The following FOLH1 variants were observed in gnomAD, a reference collection of about 807,000 sequenced individuals.
FOLH1 encodes the protein folate hydrolase 1, also known as glutamate carboxypeptidase 2.
In FOLH1, 54 loss-of-function variants were observed where a neutral mutation model predicts 93.9. The ratio of observed to expected loss-of-function variants is 0.57; its 90% CI spans 0.46 to 0.72. FOLH1 has a LOEUF of 0.72. Among genes scored for constraint, FOLH1 ranks in the 30% least tolerant of loss-of-function variants. FOLH1 has a pLI of 0.00. For missense variants in FOLH1, 571 were observed against 892.5 expected, an observed-to-expected ratio of 0.64 and a Z score of 4.59; for synonymous variants, 249 against 303.6, an observed-to-expected ratio of 0.82 and a Z score of 1.87.
In FOLH1 at chr11:49,145,305, C is replaced by A. The variant is rs1217742659; in HGVS notation, c.*1451G>T. 6.6e-6 allele frequency among the ~76,000 whole-genome samples: 1 copy of A among 152,066 alleles called. No homozygotes were observed. Among genetic ancestry groups the A allele is most frequent in the East Asian group, 1.9e-4 (1 of 5,172 alleles). On this transcript the variant is annotated 3_prime_UTR_variant, in exon 19 of 19. Coordinates refer to ENST00000256999, the MANE Select transcript of FOLH1 (RefSeq NM_004476.3). ...TTTCAATCTGCTTTCTGTGTGCACC[C>A]TTGGCAAACTCTGGCAATGCAAATG...
intron 4 of FOLH1, among the ~76,000 whole-genome samples, chr11:49,191,956 C>T (rs1644653037): frequency 6.6e-6 from 1 of 152,222 alleles, no homozygotes; most frequent in African/African-American, 2.4e-5. Context: ...TGCCTCCGCA[C>T]CCGGCCAACC....
At chr11:49,203,755 C>A (rs962622399) in intron 2 of FOLH1, among the ~76,000 whole-genome samples, 1 of 152,156 alleles carries the variant, frequency 6.6e-6, no homozygotes, top group Non-Finnish European at 1.5e-5. Flanking sequence ...TATTTTTCTT[C>A]TTTGTTGGTC....
At chr11:49,177,646 A>G (rs1289825313) in intron 7 of FOLH1, among the ~76,000 whole-genome samples, 4 of 152,078 alleles carry the variant, frequency 2.6e-5, no homozygotes, top group Non-Finnish European at 5.9e-5. Flanking sequence ...CAGCTGTGCC[A>G]ATAGTAAAGG....
intron 3 of FOLH1, among the ~76,000 whole-genome samples, chr11:49,198,852 A>G (rs1284745005): frequency 6.6e-6 from 1 of 151,294 alleles, no homozygotes; most frequent in Non-Finnish European, 1.5e-5. Flanking sequence ...GGCTCCAGCA[A>G]TCATCCTATC....
At position 49,169,177 on chromosome 11, in the gene FOLH1, G is replaced by A. The variant is rs778138281; in HGVS notation, c.1372+18C>T. 17 of 1,611,126 alleles carry A rather than the reference G, an allele frequency of 1.1e-5. No individual in the cohort carries two copies. Among genetic ancestry groups the A allele is most frequent in the Non-Finnish European group, 1.0e-5 (12 of 1,177,870 alleles). ...CTAGTTTAATCACATCTTTTCTTAT[G>A]AGACCAACGATATTCACCTTCTATA... On this transcript the variant is annotated intron_variant, in intron 12 of 18. Transcript: ENST00000256999.
At chr11:49,167,402 A>G (rs1858538141) in intron 12 of FOLH1, among the ~76,000 whole-genome samples, 1 of 152,194 alleles carries the variant, frequency 6.6e-6, no homozygotes, top group Admixed American at 6.5e-5. Flanking sequence ...GAATGAATCC[A>G]GGCATCTGAC....
intron 7 of FOLH1, among the ~76,000 whole-genome samples, chr11:49,177,536 A>C (rs2135127444): frequency 6.6e-6 from 1 of 152,232 alleles, no homozygotes; most frequent in East Asian, 1.9e-4. Flanking sequence ...TTCTAACAAA[A>C]AGCAGCCCAA....
Position 49,169,206 on chromosome 11 carries a change from G to T in FOLH1, c.1361C>A (p.Ser454Ter). The stretch of plus-strand genomic sequence containing the variant: ...CCAACGATATTCACCTTCTATAGAT[G>T]AGTCAGCATTAATATAAGCCACGCC... ...ERGVAYINAD[S>*]SIEGNYTLRV... Residue 454 changes from serine (S) to a stop codon, truncating the protein, a stop_gained, in exon 12 of 19, where the codon TCA (serine) becomes TAA (stop). Coordinates refer to ENST00000256999, the MANE Select transcript of FOLH1 (RefSeq NM_004476.3). LOFTEE classifies it high-confidence loss of function. 6 of 1,613,054 alleles carry T rather than the reference G, an allele frequency of 3.7e-6. No homozygotes were observed. Among genetic ancestry groups the T allele is most frequent in the Non-Finnish European group, 5.1e-6 (6 of 1,179,264 alleles).
intron 4 of FOLH1, among the ~76,000 whole-genome samples, chr11:49,190,749 A>G (rs1321945507): frequency 6.6e-6 from 1 of 152,218 alleles, no homozygotes; most frequent in African/African-American, 2.4e-5. Context: ...TTTAAATAGC[A>G]TAAAGCAGAG....
chr11:49,165,395 T>C (rs1858264845), intron 12 of FOLH1, among the ~76,000 whole-genome samples: 1 of 152,212 alleles, frequency 6.6e-6, no homozygotes, highest in Non-Finnish European at 1.5e-5. Flanking sequence ...ACAATGAATT[T>C]GTGAACCAGG....
At chr11:49,193,696 C>T (rs565973038) in intron 3 of FOLH1, among the ~76,000 whole-genome samples, 7 of 151,498 alleles carry the variant, frequency 4.6e-5, no homozygotes, top group Non-Finnish European at 1.0e-4. Context: ...TATTCAGAAG[C>T]AAAAAAATAA....
chr11:49,178,704 A>G (rs1860384333), intron 7 of FOLH1, among the ~76,000 whole-genome samples: 1 of 152,218 alleles, frequency 6.6e-6, no homozygotes, highest in South Asian at 2.1e-4. Context: ...ACAAATATTT[A>G]ATAGTTGAAT....
chr11:49,194,132 C>CAAAAAAAAAAA (rs55656827), intron 3 of FOLH1, among the ~76,000 whole-genome samples: 2 of 71,560 alleles, frequency 2.8e-5, no homozygotes, highest in African/African-American at 1.1e-4. Context: ...GCCTGGGTGA[C>CAAAAAAAAAAA]AAAAAAAAAA....
At chr11:49,154,619 A>G (rs1452867972) in intron 15 of FOLH1, 127 bp from the exon 16 acceptor site, 13 of 1,467,768 alleles carry the variant, frequency 8.9e-6, no homozygotes, top group Non-Finnish European at 1.2e-5. Flanking sequence ...AAGCATCTCA[A>G]TAAGCTACAT....
At chr11:49,169,063 C>T (rs931942667) in intron 12 of FOLH1, 132 bp downstream of exon 12, 20 of 948,112 alleles carry the variant, frequency 2.1e-5, no homozygotes, top group Non-Finnish European at 3.1e-5. Context: ...TACACTGCTT[C>T]CTGTCAGAGG....
chr11:49,169,586 A>G (rs1055887648), intron 11 of FOLH1, among the ~76,000 whole-genome samples: 1 of 152,238 alleles, frequency 6.6e-6, no homozygotes, highest in African/African-American at 2.4e-5. Flanking sequence ...TGAATGACCT[A>G]AGAGACTTTT....
intron 3 of FOLH1, among the ~76,000 whole-genome samples, chr11:49,199,465 C>T (rs1344024035): frequency 6.6e-6 from 1 of 152,194 alleles, no homozygotes; most frequent in Non-Finnish European, 1.5e-5. Flanking sequence ...AATGTCCACA[C>T]ACAAATTCTT....
intron 4 of FOLH1, 78 bp downstream of exon 4, chr11:49,192,715 C>T (rs1200325852): frequency 5.6e-6 from 7 of 1,258,832 alleles, no homozygotes; most frequent in Non-Finnish European, 7.7e-6. Flanking sequence ...CCTTTATGAC[C>T]CTTTAATTAT....
At chr11:49,200,199 T>A (rs914622828) in intron 3 of FOLH1, 56 bp downstream of exon 3, 1 of 1,340,492 alleles carries the variant, frequency 7.5e-7, no homozygotes, top group South Asian at 1.5e-5. Flanking sequence ...ATAGAAGGTA[T>A]TTGAAAAAGA....
Sources: gnomAD v4.1 joint callset for allele counts (sites outside exome capture counted in the v4.1 genomes callset) on GRCh38, gnomAD v4.1.1 for gene constraint, MANE v1.5 for transcripts, NCBI Gene and HGNC (gene_info 2026-07-23, HGNC 2026-07-21) for gene names.